The following SLIT1 variants were observed in gnomAD, a reference collection of about 807,000 sequenced individuals.
The protein encoded by SLIT1 is slit guidance ligand 1.
A neutral mutation model predicts 186.1 loss-of-function variants in SLIT1; 66 were observed. That is an observed-to-expected ratio of 0.35 (90% CI 0.29 to 0.44). The LOEUF is 0.44. SLIT1 is among the 20% of genes least tolerant of loss of function. SLIT1 has a pLI of 1.00. For missense variants in SLIT1, 1,638 were observed against 2,037.4 expected (o/e 0.80, Z 3.77); for synonymous variants, 761 against 833.8 (o/e 0.91, Z 1.50).
At chr10:97,128,769 T>C (rs976524496) in intron 4 of SLIT1, among the ~76,000 whole-genome samples, 2 of 152,150 alleles carry the variant, frequency 1.3e-5, no homozygotes, top group Non-Finnish European at 1.5e-5. Flanking sequence ...TTTGCTGTGA[T>C]GAATTCCGGC....
intron 4 of SLIT1, among the ~76,000 whole-genome samples, chr10:97,108,391 G>A (rs1483978899): frequency 6.6e-6 from 1 of 152,252 alleles, no homozygotes; most frequent in Admixed American, 6.5e-5. Flanking sequence ...TTCCCAGGAA[G>A]CGCTTGGCTC....
At chr10:97,145,535 G>T (rs971555423) in intron 4 of SLIT1, among the ~76,000 whole-genome samples, 17 of 152,160 alleles carry the variant, frequency 1.1e-4, no homozygotes, top group African/African-American at 3.9e-4. Context: ...TCTCTGCCGG[G>T]CTGTAGTCCA....
At chr10:97,064,938 C>T in intron 5 of SLIT1, 62 bp from the exon 6 acceptor site, 2 of 1,330,940 alleles carry the variant, frequency 1.5e-6, no homozygotes, top group Admixed American at 3.8e-5. Context: ...GGTGTCCAAA[C>T]ATTCTGACCG....
chr10:97,159,879 G>A (rs780406926), intron 3 of SLIT1, among the ~76,000 whole-genome samples: 4 of 152,300 alleles, frequency 2.6e-5, no homozygotes, highest in South Asian at 4.1e-4. Flanking sequence ...ACTGCACCAC[G>A]TGGCTTGGCT....
At position 97,164,904 on chromosome 10, in the gene SLIT1, G is replaced by C. The variant is rs933645115; in HGVS notation, c.198-14C>G. The C allele has an allele frequency of 3.7e-6, 6 of 1,609,258 alleles. No homozygotes were observed. Among genetic ancestry groups the C allele is most frequent in the Non-Finnish European group, 5.1e-6 (6 of 1,175,822 alleles). ...CCATTGAGTTCCCTGGAGGAAGAAGGAGAGAAGGAAGCAGTGGGGTGAGCA... is the reference window on the plus strand; with the variant it reads ...CCATTGAGTTCCCTGGAGGAAGAAGCAGAGAAGGAAGCAGTGGGGTGAGCA... On this transcript the variant is annotated splice_polypyrimidine_tract_variant and intron_variant, in intron 1 of 36. Transcript: ENST00000266058.
intron 4 of SLIT1, among the ~76,000 whole-genome samples, chr10:97,125,408 C>T (rs187455873): frequency 2.2e-4 from 33 of 151,950 alleles, no homozygotes; most frequent in African/African-American, 6.5e-4. Context: ...TGGTGGTGCA[C>T]GCCTGTGGTA....
At chr10:97,169,349 A>G (rs756713421) in intron 1 of SLIT1, among the ~76,000 whole-genome samples, 3 of 152,176 alleles carry the variant, frequency 2.0e-5, no homozygotes, top group Non-Finnish European at 2.9e-5. Context: ...AGGAGGTATC[A>G]TTGCCACTTA....
intron 12 of SLIT1, 85 bp from the exon 13 acceptor site, chr10:97,056,549 G>T: frequency 7.1e-7 from 1 of 1,415,576 alleles, no homozygotes; most frequent in East Asian, 2.3e-5. Flanking sequence ...CTTCAGTCCC[G>T]GCCTGCGTTA....
intron 4 of SLIT1, among the ~76,000 whole-genome samples, chr10:97,106,485 G>A (rs1047919742): frequency 6.6e-6 from 1 of 152,186 alleles, no homozygotes; most frequent in Non-Finnish European, 1.5e-5. Context: ...TCTGACTCAG[G>A]TCTGCCAGAC....
At chr10:97,054,419 T>C (rs186519643) in intron 13 of SLIT1, among the ~76,000 whole-genome samples, 41 of 152,148 alleles carry the variant, frequency 2.7e-4, no homozygotes, top group Middle Eastern at 3.4e-3. Flanking sequence ...AAACCTCTTT[T>C]CTTTATAGAT....
chr10:97,140,997 T>C (rs958029783), intron 4 of SLIT1, among the ~76,000 whole-genome samples: 1 of 152,166 alleles, frequency 6.6e-6, no homozygotes, highest in Non-Finnish European at 1.5e-5. Context: ...CGTGTGTCTG[T>C]GAGCAGATTA....
chr10:97,168,124 A>C (rs1045580945), intron 1 of SLIT1, among the ~76,000 whole-genome samples: 1 of 152,230 alleles, frequency 6.6e-6, no homozygotes, highest in African/African-American at 2.4e-5. Context: ...GGTAGGACTC[A>C]AGGTGACCTT....
chr10:97,030,900 A>G, intron 24 of SLIT1, 72 bp from the exon 25 acceptor site: 2 of 1,314,890 alleles, frequency 1.5e-6, no homozygotes, highest in Non-Finnish European at 2.2e-6. Context: ...GGAGAGGCCC[A>G]GCCCTCTGCA....
At chr10:97,126,192 G>T (rs748073411) in intron 4 of SLIT1, among the ~76,000 whole-genome samples, 8 of 152,118 alleles carry the variant, frequency 5.3e-5, no homozygotes, top group Non-Finnish European at 7.4e-5. Context: ...GTTCTGTTTC[G>T]CTTACACAGA....
intron 4 of SLIT1, among the ~76,000 whole-genome samples, chr10:97,152,697 C>T (rs550678421): frequency 6.6e-6 from 1 of 152,204 alleles, no homozygotes; most frequent in Non-Finnish European, 1.5e-5. Context: ...GTAAACGTAA[C>T]ACATGCTTCT....
intron 1 of SLIT1, among the ~76,000 whole-genome samples, chr10:97,177,983 A>G (rs1435749245): frequency 2.0e-5 from 3 of 152,166 alleles, no homozygotes; most frequent in Non-Finnish European, 4.4e-5. Flanking sequence ...TCTCAAAAAA[A>G]CAAACAAACA....
intron 5 of SLIT1, 115 bp downstream of exon 5, chr10:97,065,900 C>G: frequency 1.3e-6 from 1 of 753,010 alleles, no homozygotes; most frequent in Admixed American, 2.2e-5. Flanking sequence ...TCTGAGAGCC[C>G]AGGTCAGCTC....
At chr10:97,138,649 G>GGTTT (rs144610861) in intron 4 of SLIT1, among the ~76,000 whole-genome samples, 2 of 58,958 alleles carry the variant, frequency 3.4e-5, no homozygotes, top group Non-Finnish European at 4.8e-5. Context: ...GTAGGAAACT[G>GGTTT]TTTTTTTTTT....
rs772167102 is a variant in SLIT1 at position 97,004,238 on chromosome 10, G to A, written c.3711-16C>T. 3.3e-5 allele frequency: 53 copies of A among 1,592,912 alleles called. No individual in the cohort carries two copies. Among genetic ancestry groups the A allele is most frequent in the Non-Finnish European group, 4.0e-5 (47 of 1,162,868 alleles). On this transcript the variant is annotated splice_polypyrimidine_tract_variant and intron_variant, in intron 33 of 36. Transcript: ENST00000266058. The surrounding 1 kb of genome is among the most constrained non-coding windows in gnomAD (Gnocchi z 5.1). ...CGTCTCAGCACTGGAGGAAGAGGGG[G>A]TTCCCCGTTCCAGGGAGTGGGCATC...
Sources: allele counts gnomAD v4.1 joint callset (sites outside exome capture counted in the v4.1 genomes callset), GRCh38; gene constraint gnomAD v4.1.1; non-coding constraint Gnocchi (gnomAD v3.1); transcripts MANE v1.5; gene names NCBI Gene and HGNC (gene_info 2026-07-23, HGNC 2026-07-21).